The following KLRG1 variants were observed in gnomAD, a reference collection of about 807,000 sequenced individuals.
KLRG1 encodes killer cell lectin-like receptor subfamily G member 1.
In KLRG1, 16 loss-of-function variants were observed where a neutral mutation model predicts 21.8. That is an observed-to-expected ratio of 0.73 (90% confidence interval 0.50 to 1.11). KLRG1 has a LOEUF of 1.11. Ranked by LOEUF, KLRG1 falls within the 50% of genes most tolerant of loss-of-function variation. The probability of loss-of-function intolerance (pLI) is 0.00; values close to 1 mark genes in which losing one functional copy is unlikely to be tolerated. For synonymous variants in KLRG1, 69 were observed against 75.9 expected (o/e 0.91, Z 0.47); for missense variants, 173 against 218.3 (o/e 0.79, Z 1.31).
the KLRG1 span, among the ~76,000 whole-genome samples, chr12:9,146,932 G>A: frequency 3.4e-5 from 5 of 149,076 alleles, no homozygotes; most frequent in East Asian, 3.9e-4. Context: ...TTTCCCAGGC[G>A]GAAGTTGAGA....
the KLRG1 span, among the ~76,000 whole-genome samples, chr12:9,147,477 T>C: frequency 2.0e-5 from 3 of 152,206 alleles, no homozygotes; most frequent in African/African-American, 7.2e-5. Flanking sequence ...TCATAAGCCG[T>C]AGCATGTCCT....
chr12:9,119,414 AT>A, the KLRG1 span, among the ~76,000 whole-genome samples: 37 of 150,392 alleles, frequency 2.5e-4, no homozygotes, highest in East Asian at 7.8e-4. Context: ...TAATTGATTG[AT>A]TTTTTTTTTC....
At chr12:9,070,978 G>A in the KLRG1 span, among the ~76,000 whole-genome samples, 6 of 151,860 alleles carry the variant, frequency 4.0e-5, no homozygotes, top group Non-Finnish European at 7.4e-5. Context: ...GCACCACCAC[G>A]TCCGACTAAT....
At chr12:9,022,201 TATC>T in the KLRG1 span, among the ~76,000 whole-genome samples, 1 of 152,106 alleles carries the variant, frequency 6.6e-6, no homozygotes, top group Non-Finnish European at 1.5e-5. Flanking sequence ...CATTATGAAG[TATC>T]ATGTACTGTA....
chr12:9,129,573 T>G, the KLRG1 span, among the ~76,000 whole-genome samples: 1 of 152,120 alleles, frequency 6.6e-6, no homozygotes, highest in African/African-American at 2.4e-5. Context: ...TTTTCCCATT[T>G]TACCCATTTT....
chr12:9,090,834 G>A, the KLRG1 span, among the ~76,000 whole-genome samples: 1 of 152,106 alleles, frequency 6.6e-6, no homozygotes, highest in South Asian at 2.1e-4. Context: ...TTTCAGCAAA[G>A]GTAAGATGCT....
the KLRG1 span, among the ~76,000 whole-genome samples, chr12:9,054,339 TATA>T: frequency 6.6e-6 from 1 of 152,204 alleles, no homozygotes; most frequent in African/African-American, 2.4e-5. Context: ...AAAATTTAAA[TATA>T]ATTTTTATTA....
At chr12:9,099,456 G>A in the KLRG1 span, 22 of 1,607,234 alleles carry the variant, frequency 1.4e-5, no homozygotes, top group Non-Finnish European at 1.9e-5. Flanking sequence ...AAACAGCATA[G>A]ATGAGCAACC....
the KLRG1 span, among the ~76,000 whole-genome samples, chr12:9,075,869 G>C: frequency 1.3e-5 from 2 of 152,168 alleles, no homozygotes; most frequent in Non-Finnish European, 2.9e-5. Flanking sequence ...TAATCTATGA[G>C]AGAGTTGTAC....
rs544363787 is a variant in KLRG1 at position 8,975,503 on chromosome 12, TA to T, written c.-155-16701del. On this transcript the variant is annotated intron_variant, in intron 1 of 4. Transcript: ENST00000539240. ...CTTTCTATTTCTGAAGCATTCATTG[TA>T]ATGCCTCTTCATTCATTTTTTATTT... Among the ~76,000 whole-genome samples the T allele has an allele frequency of 3.0e-3, 452 of 152,326 alleles. 1 individual carries two copies. Among genetic ancestry groups the T allele is most frequent in the Non-Finnish European group, 4.8e-3 (329 of 68,024 alleles).
At chr12:8,952,336 C>T (rs1288693858) in intron 1 of KLRG1, among the ~76,000 whole-genome samples, 7 of 152,270 alleles carry the variant, frequency 4.6e-5, no homozygotes, top group Middle Eastern at 6.8e-3. Context: ...GGACCACAGG[C>T]GCAAGCCACC....
At chr12:9,080,191 C>T in the KLRG1 span, 1 of 1,515,640 alleles carries the variant, frequency 6.6e-7, no homozygotes, top group Non-Finnish European at 9.0e-7. Context: ...GAGAAATAAG[C>T]AAATCAGACA....
intron 1 of KLRG1, among the ~76,000 whole-genome samples, chr12:8,951,604 T>C (rs915309384): frequency 6.6e-6 from 1 of 152,260 alleles, no homozygotes; most frequent in Non-Finnish European, 1.5e-5. Flanking sequence ...TTATTTCTAC[T>C]GACTTATTTT....
At chr12:9,079,636 C>T in the KLRG1 span, 6 of 1,610,254 alleles carry the variant, frequency 3.7e-6, no homozygotes, top group Non-Finnish European at 5.1e-6. Context: ...AGTAATCACT[C>T]ACCAGTGTTG....
chr12:9,171,109 A>T, the KLRG1 span, among the ~76,000 whole-genome samples: 2 of 151,998 alleles, frequency 1.3e-5, no homozygotes, highest in East Asian at 1.9e-4. Flanking sequence ...GCTGGCAACA[A>T]GTTAGTACCC....
the KLRG1 span, among the ~76,000 whole-genome samples, chr12:9,027,019 C>CT: frequency 0.013 from 1,822 of 142,110 alleles, 35 homozygotes; most frequent in African/African-American, 0.043. Context: ...CTGTGGCTGG[C>CT]TTTTTTTTTT....
At chr12:9,156,559 T>A in the KLRG1 span, among the ~76,000 whole-genome samples, 1 of 152,224 alleles carries the variant, frequency 6.6e-6, no homozygotes, top group South Asian at 2.1e-4. Flanking sequence ...CTGTTGTACC[T>A]CTTTTCATTC....
At chr12:9,165,940 G>C in the KLRG1 span, 6 of 1,292,178 alleles carry the variant, frequency 4.6e-6, no homozygotes, top group Non-Finnish European at 6.4e-6. Context: ...TAAAGAGGAA[G>C]AGGTTAAGAT....
the KLRG1 span, among the ~76,000 whole-genome samples, chr12:9,206,648 T>C: frequency 0.055 from 8,410 of 152,282 alleles, 338 homozygotes; most frequent in Non-Finnish European, 0.075. Flanking sequence ...ATTGGTTCTC[T>C]TTTGTAGTCT....
Sources: allele counts gnomAD v4.1 joint callset (sites outside exome capture counted in the v4.1 genomes callset), GRCh38; gene constraint gnomAD v4.1.1; transcripts MANE v1.5; gene names NCBI Gene and HGNC (gene_info 2026-07-23, HGNC 2026-07-21).